Variants in LARP7 observed in about 807,000 individuals in gnomAD.
LARP7 encodes La ribonucleoprotein 7, transcriptional regulator, also known as la-related protein 7.
In LARP7, 52 loss-of-function variants were observed where a neutral mutation model predicts 69.3. That is an observed-to-expected ratio of 0.75 (90% confidence interval 0.60 to 0.95). The LOEUF is 0.95. Ranked by LOEUF, LARP7 falls within the 40% of genes least tolerant of loss-of-function variation. LARP7 has a pLI of 0.00. For synonymous variants in LARP7, 254 were observed against 215.9 expected (o/e 1.18, Z -1.55); for missense variants, 733 against 673.0 (o/e 1.09, Z -0.99).
chr4:112,642,855 C>T (rs2048015563), intron 1 of LARP7, among the ~76,000 whole-genome samples: 1 of 152,204 alleles, frequency 6.6e-6, no homozygotes, highest in Non-Finnish European at 1.5e-5. Flanking sequence ...ATAAGGCCTC[C>T]ATGCCATCTA....
chr4:112,645,987 C>T (rs886622322), intron 2 of LARP7, among the ~76,000 whole-genome samples: 2 of 143,568 alleles, frequency 1.4e-5, no homozygotes, highest in Admixed American at 1.4e-4. Flanking sequence ...CATTTAGACC[C>T]TCATACAGTT....
chr4:112,645,995 GTT>G (rs370933892), intron 2 of LARP7, among the ~76,000 whole-genome samples: 2 of 134,090 alleles, frequency 1.5e-5, no homozygotes, highest in South Asian at 2.4e-4. Context: ...CCCTCATACA[GTT>G]TTTTTTTGTT....
chr4:112,646,506 G>T (rs2048253309), intron 3 of LARP7, 55 bp downstream of exon 3: 1 of 1,278,002 alleles, frequency 7.8e-7, no homozygotes, highest in Non-Finnish European at 1.1e-6. Context: ...TATAAAGAAT[G>T]TTAACGTAAT....
chr4:112,656,767 G>C lies in LARP7; in HGVS notation c.1669-480G>C, dbSNP rs765830005. On this transcript the variant is annotated intron_variant, in intron 12 of 12. Transcript: ENST00000344442. ...CTCAATGATGAATAATAGGCTTTTA[G>C]TTTAATCTAAAAGTGAATTCCTTCC... is the stretch of plus-strand genomic sequence containing the variant. Among the ~76,000 whole-genome samples, 9 of 152,134 alleles carry C rather than the reference G, an allele frequency of 5.9e-5. No individual in the cohort carries two copies. In the South Asian group the frequency reaches 6.2e-4, roughly 10 times the overall value.
At chr4:112,649,428 AG>A (rs1418259226) in intron 8 of LARP7, 106 bp from the exon 9 acceptor site, 1 of 872,630 alleles carries the variant, frequency 1.1e-6, no homozygotes, top group East Asian at 2.9e-5. Flanking sequence ...GAAACAGGAA[AG>A]TTGGTGGAGG....
chr4:112,649,732 A>G (rs766403648), intron 9 of LARP7, 46 bp downstream of exon 9: 3 of 1,251,698 alleles, frequency 2.4e-6, no homozygotes, highest in Non-Finnish European at 3.3e-6. Flanking sequence ...GTACTTATAT[A>G]TGTAAATGCT....
intron 8 of LARP7, chr4:112,648,248 G>A (rs781077657): frequency 1.9e-6 from 1 of 531,426 alleles, no homozygotes; most frequent in Middle Eastern, 3.2e-4. Context: ...CGTTTAAGTG[G>A]TGGGGAGCCC....
intron 1 of LARP7, among the ~76,000 whole-genome samples, chr4:112,639,476 C>T (rs1220454399): frequency 3.9e-5 from 6 of 151,980 alleles, no homozygotes; most frequent in Admixed American, 1.3e-4. Context: ...GTGATCCGCC[C>T]GCCTTGGCCT....
At chr4:112,656,388 ACT>A (rs2048955646) in intron 12 of LARP7, among the ~76,000 whole-genome samples, 1 of 152,146 alleles carries the variant, frequency 6.6e-6, no homozygotes, top group South Asian at 2.1e-4. Context: ...ACAGAGCAAG[ACT>A]CTGTCTCAAA....
Position 112,650,522 on chromosome 4 carries a change from G to T in LARP7, c.1356G>T (p.Val452=). 1 of 1,613,808 alleles carries T rather than the reference G, an allele frequency of 6.2e-7. No individual in the cohort carries two copies. Among genetic ancestry groups the T allele is most frequent in the South Asian group, 1.1e-5 (1 of 91,058 alleles). The change falls in exon 10 of 13, where the codon GTG becomes GTT. Residue 452 remains valine, a synonymous_variant. Coordinates refer to ENST00000344442, the MANE Select transcript of LARP7 (RefSeq NM_016648.4). The part of the protein sequence containing the change: ...EKVNATGPQF[V]SGVIVKIIST... ...TTAATGCAACAGGACCACAGTTCGT[G>T]AGTGGAGTGATTGTGAAGATCATTA...
rs2048243335 is a variant in LARP7 at position 112,646,428 on chromosome 4, T to C, written c.280T>C (p.Leu94=). The change falls in exon 3 of 13, where the codon TTG becomes CTG. Residue 94 remains leucine, a synonymous_variant. Coordinates refer to ENST00000344442, the MANE Select transcript of LARP7 (RefSeq NM_016648.4). ...TGATGGGAAGTTAATTGCCAGAGCA[T>C]TGAGAAGTTCAGCTGTTGTAGAGGT... The part of the protein sequence containing the change: ...TTDGKLIARA[L]RSSAVVELDL... 1 of 1,603,434 alleles carries C rather than the reference T, an allele frequency of 6.2e-7. No homozygotes were observed. Among genetic ancestry groups the C allele is most frequent in the Non-Finnish European group, 8.5e-7 (1 of 1,171,536 alleles).
rs1333416316 is a variant in LARP7, at chr4:112,646,471, ACT to A, written c.303+21_303+22del. On this transcript the variant is annotated intron_variant, in intron 3 of 12. Coordinates refer to ENST00000344442, the MANE Select transcript of LARP7 (RefSeq NM_016648.4). ...GTAGAGGTAAGAATCAAGAATAACT[ACT>A]GTTTATATTTATAGTTTATAATTAT... 2.8e-6 allele frequency: 4 copies of A among 1,423,044 alleles called. No individual in the cohort carries two copies. The highest frequency in any genetic ancestry group is 1.4e-5 in the African/African-American group (1 of 70,110). 88.2% of individuals were successfully genotyped at this position (1,423,044 alleles called of 1,614,324 possible).
Position 112,653,105 on chromosome 4 carries a change from T to C in LARP7, c.1445T>C (p.Leu482Pro). The C allele has an allele frequency of 6.3e-7, 1 of 1,599,722 alleles. No individual in the cohort carries two copies. Residue 482 changes from leucine (L) to proline (P), a missense_variant, in exon 11 of 13, where the codon CTT becomes CCT. Coordinates refer to ENST00000344442, the MANE Select transcript of LARP7 (RefSeq NM_016648.4). The part of the protein sequence containing the change: ...RDTLAAISEV[L>P]YVDLLEGDTE... ...ACTTTGGCAGCAATCTCAGAAGTTC[T>C]TTATGTTGATTTGCTAGAAGGGGAT...
chr4:112,656,316 T>A (rs2048953003), intron 12 of LARP7, among the ~76,000 whole-genome samples: 4 of 152,168 alleles, frequency 2.6e-5, no homozygotes, highest in South Asian at 4.1e-4. Flanking sequence ...GAGAATTGCC[T>A]GAACCTAGGA....
Position 112,650,218 on chromosome 4 carries a change from C to G in LARP7, c.1295-243C>G, listed in dbSNP as rs527765881. 4.6e-5 allele frequency among the ~76,000 whole-genome samples: 7 copies of G among 152,004 alleles called. 1 individual carries two copies. Among genetic ancestry groups the G allele is most frequent in the Admixed American group, 2.0e-4 (3 of 15,242 alleles). ...CAGGGAGAAGGGGCAAATTTAAAGG[C>G]TTTACGAATGCTCTTCTAGCAGTAA... is the stretch of plus-strand genomic sequence containing the variant. On this transcript the variant is annotated intron_variant, in intron 9 of 12. Transcript: ENST00000344442.
intron 8 of LARP7, chr4:112,648,149 T>TA (rs773961442): frequency 3.8e-6 from 2 of 519,586 alleles, no homozygotes; most frequent in African/African-American, 2.0e-5. Context: ...AGTTATTTTC[T>TA]AAAAAAATAA....
At chr4:112,645,032 T>C (rs2048119951) in intron 2 of LARP7, among the ~76,000 whole-genome samples, 161 bp downstream of exon 2, 1 of 134,670 alleles carries the variant, frequency 7.4e-6, no homozygotes, top group Non-Finnish European at 1.5e-5. Context: ...TTGCAACCTC[T>C]GCCTCCTGGG....
Position 112,652,867 on chromosome 4 carries a change from A to C in LARP7, c.1417-210A>C, listed in dbSNP as rs1482084344. Among the ~76,000 whole-genome samples, 3 of 152,150 alleles carry C rather than the reference A, an allele frequency of 2.0e-5. No homozygotes were observed. In the South Asian group the frequency reaches 6.2e-4, roughly 32 times the overall value. ...TTAAGGATGTGATTTCAAGAAAATA[A>C]ATGAAAATAAATTACTAGAGTTGAT... is the stretch of plus-strand genomic sequence containing the variant. On this transcript the variant is annotated intron_variant, in intron 10 of 12. Coordinates refer to ENST00000344442, the MANE Select transcript of LARP7 (RefSeq NM_016648.4).
In LARP7 at chr4:112,647,490, A is replaced by G. The variant is rs1279819612; in HGVS notation, c.938A>G (p.Lys313Arg). The G allele has an allele frequency of 1.2e-6, 2 of 1,613,726 alleles. No individual in the cohort carries two copies. Among genetic ancestry groups the G allele is most frequent in the African/African-American group, 1.3e-5 (1 of 75,030 alleles). The change falls in exon 7 of 13, where the codon AAG (lysine) becomes AGG (arginine). Residue 313 changes from lysine to arginine, a missense_variant. Transcript: ENST00000344442. ...AESLAPRSKVKKIIQKDIIKE... is the reference protein window; with the variant it reads ...AESLAPRSKVRKIIQKDIIKE... Reference sequence around the variant, plus strand: ...TCCCTAGCTCCCCGATCAAAAGTAAAGAAAATTATTCAGAAAGACATCATT... The same window carrying G: ...TCCCTAGCTCCCCGATCAAAAGTAAGGAAAATTATTCAGAAAGACATCATT...
Sources: gnomAD v4.1 joint callset for allele counts (sites outside exome capture counted in the v4.1 genomes callset) on GRCh38, gnomAD v4.1.1 for gene constraint, MANE v1.5 for transcripts, NCBI Gene and HGNC (gene_info 2026-07-23, HGNC 2026-07-21) for gene names.